The following AGBL1 variants were observed in gnomAD, a reference collection of about 807,000 sequenced individuals.
AGBL1 encodes the protein cytosolic carboxypeptidase 4.
A neutral mutation model predicts 118.9 loss-of-function variants in AGBL1; 130 were observed. The ratio of observed to expected loss-of-function variants is 1.09; its 90% CI spans 0.95 to 1.26. The LOEUF (loss-of-function observed/expected upper bound fraction) is 1.26. Among genes scored for constraint, AGBL1 ranks in the 50% most tolerant of loss-of-function variants. AGBL1 has a pLI of 0.00. For missense variants in AGBL1, 1,584 were observed against 1,298.1 expected, an observed-to-expected ratio of 1.22 and a Z score of -3.38; for synonymous variants, 555 against 478.9, an observed-to-expected ratio of 1.16 and a Z score of -2.08.
chr15:86,266,917 A>G (rs912343582), intron 12 of AGBL1, 73 bp from the exon 13 acceptor site: 3 of 1,252,486 alleles, frequency 2.4e-6, no homozygotes, highest in Admixed American at 2.0e-5. Flanking sequence ...TAATAATGAA[A>G]AAAAGAATCA....
chr15:87,013,218 A>G (rs2081578640), intron 24 of AGBL1, among the ~76,000 whole-genome samples: 1 of 152,178 alleles, frequency 6.6e-6, no homozygotes, highest in African/African-American at 2.4e-5. Context: ...AATAATCATA[A>G]AAAACTTTCA....
At chr15:86,136,853 A>T (rs898002332) in intron 1 of AGBL1, among the ~76,000 whole-genome samples, 3 of 152,124 alleles carry the variant, frequency 2.0e-5, no homozygotes, top group African/African-American at 7.2e-5. Flanking sequence ...TATTTGAGAA[A>T]ATTGCAGTTC....
At chr15:86,724,235 CAAAAAA>C (rs1204898095) in intron 22 of AGBL1, among the ~76,000 whole-genome samples, 2 of 73,860 alleles carry the variant, frequency 2.7e-5, no homozygotes, top group Non-Finnish European at 4.8e-5. Context: ...GACTCCATCT[CAAAAAA>C]AAAAAAAAAA....
intron 16 of AGBL1, among the ~76,000 whole-genome samples, chr15:86,286,892 T>A (rs2079463740): frequency 6.6e-6 from 1 of 151,892 alleles, no homozygotes; most frequent in East Asian, 1.9e-4. Context: ...GTGAGATGGC[T>A]GGATTGTATG....
intron 2 of AGBL1, among the ~76,000 whole-genome samples, chr15:86,142,971 T>C (rs2076983356): frequency 6.6e-6 from 1 of 152,222 alleles, no homozygotes; most frequent in Non-Finnish European, 1.5e-5. Context: ...TACCACCCTG[T>C]TGGCCACCTT....
At chr15:86,928,928 A>T (rs996499174) in intron 23 of AGBL1, among the ~76,000 whole-genome samples, 1 of 152,146 alleles carries the variant, frequency 6.6e-6, no homozygotes, top group Non-Finnish European at 1.5e-5. Flanking sequence ...CCATTTAACC[A>T]TTTAAAATGT....
At chr15:86,561,836 G>A (rs1182897094) in intron 21 of AGBL1, among the ~76,000 whole-genome samples, 1 of 152,150 alleles carries the variant, frequency 6.6e-6, no homozygotes, top group Non-Finnish European at 1.5e-5. Flanking sequence ...TCATTGAGCA[G>A]TGGTTTGTAG....
intron 22 of AGBL1, among the ~76,000 whole-genome samples, chr15:86,684,456 G>T (rs1160020337): frequency 2.3e-5 from 2 of 86,156 alleles, no homozygotes; most frequent in Non-Finnish European, 4.6e-5. Flanking sequence ...ACCTAGCATA[G>T]TTCTCTCTTT....
At position 86,911,737 on chromosome 15, in the gene AGBL1, A is replaced by C. The variant is rs1269559591; in HGVS notation, c.*4443A>C. ...CCTCTGCCTCTGATAAGAATCTCCC[A>C]TTCTCTCATTTGGGAATATCAAAAC... On this transcript the variant is annotated 3_prime_UTR_variant, in exon 23 of 23. Coordinates refer to ENST00000614907, the MANE Select transcript of AGBL1 (RefSeq NM_001386094.1). The C allele has an allele frequency of 6.6e-6, 1 of 152,080 alleles. No individual in the cohort carries two copies. The highest frequency in any genetic ancestry group is 1.5e-5 in the Non-Finnish European group (1 of 68,028). 9.4% of individuals were successfully genotyped at this position (152,080 alleles called of 1,614,324 possible).
chr15:86,952,098 G>T (rs1269285087), intron 23 of AGBL1, among the ~76,000 whole-genome samples: 1 of 151,996 alleles, frequency 6.6e-6, no homozygotes, highest in Non-Finnish European at 1.5e-5. Flanking sequence ...GTGTGTGGTG[G>T]CAGGTGCCTG....
intron 19 of AGBL1, among the ~76,000 whole-genome samples, chr15:86,535,595 G>T (rs2083414574): frequency 6.6e-6 from 1 of 152,188 alleles, no homozygotes; most frequent in African/African-American, 2.4e-5. Flanking sequence ...ATCAATTTCT[G>T]TTTATAACTC....
chr15:86,173,675 C>T (rs2077444187), intron 5 of AGBL1, among the ~76,000 whole-genome samples: 1 of 152,084 alleles, frequency 6.6e-6, no homozygotes, highest in African/African-American at 2.4e-5. Flanking sequence ...ATCCAGTTTT[C>T]CCATCATCAT....
chr15:86,610,423 C>G (rs1427222497), intron 21 of AGBL1, among the ~76,000 whole-genome samples: 1 of 152,130 alleles, frequency 6.6e-6, no homozygotes, highest in Non-Finnish European at 1.5e-5. Context: ...ATTTGAAATG[C>G]TTACCTGGGG....
chr15:86,488,139 C>G (rs1567020477), intron 18 of AGBL1, among the ~76,000 whole-genome samples: 1 of 152,010 alleles, frequency 6.6e-6, no homozygotes, highest in Admixed American at 6.6e-5. Flanking sequence ...GATGGCAACC[C>G]AGCTGTAGCC....
At chr15:86,414,825 A>G (rs2081667822) in intron 18 of AGBL1, among the ~76,000 whole-genome samples, 1 of 152,140 alleles carries the variant, frequency 6.6e-6, no homozygotes, top group Non-Finnish European at 1.5e-5. Context: ...TACTTAGAAG[A>G]AGCACATTAG....
intron 22 of AGBL1, among the ~76,000 whole-genome samples, chr15:86,677,163 C>A (rs909961784): frequency 6.6e-6 from 1 of 152,162 alleles, no homozygotes; most frequent in Non-Finnish European, 1.5e-5. Flanking sequence ...CAATAGGTTT[C>A]ATGCTTCATT....
At chr15:86,466,222 A>T (rs1471254614) in intron 18 of AGBL1, among the ~76,000 whole-genome samples, 1 of 151,966 alleles carries the variant, frequency 6.6e-6, no homozygotes, top group African/African-American at 2.4e-5. Context: ...TCTTGTTTTC[A>T]TGCTTTATTT....
At chr15:86,438,660 T>C (rs1255407279) in intron 18 of AGBL1, among the ~76,000 whole-genome samples, 24 of 50,768 alleles carry the variant, frequency 4.7e-4, no homozygotes, top group African/African-American at 1.6e-3. Context: ...TCTGTCTCTT[T>C]TTTTTTTTTT....
At chr15:86,118,257 T>C (rs1897881144) in intron 1 of AGBL1, among the ~76,000 whole-genome samples, 1 of 152,298 alleles carries the variant, frequency 6.6e-6, no homozygotes, top group East Asian at 1.9e-4. Context: ...CCTTTGCTTC[T>C]CTCTGGAGTA....
Sources: allele counts gnomAD v4.1 joint callset (sites outside exome capture counted in the v4.1 genomes callset), GRCh38; gene constraint gnomAD v4.1.1; transcripts MANE v1.5; gene names NCBI Gene and HGNC (gene_info 2026-07-23, HGNC 2026-07-21).